FOXP1: variants seen among roughly 807,000 people sequenced by gnomAD.
The protein encoded by FOXP1 is forkhead box protein P1.
In FOXP1, 15 loss-of-function variants were observed where a neutral mutation model predicts 98.2. The observed-to-expected ratio is 0.15, with a 90% CI of 0.10 to 0.24. The LOEUF is 0.24. Ranked by LOEUF, FOXP1 falls within the 10% of genes least tolerant of loss-of-function variation. The probability of loss-of-function intolerance (pLI) is 1.00; values close to 1 mark genes in which losing one functional copy is unlikely to be tolerated. For missense variants in FOXP1, 633 were observed against 848.5 expected (o/e 0.75, Z 3.15); for synonymous variants, 371 against 314.5 (o/e 1.18, Z -1.90).
chr3:71,530,088 G>A (rs1223920023), intron 2 of FOXP1, among the ~76,000 whole-genome samples: 4 of 152,102 alleles, frequency 2.6e-5, no homozygotes, highest in South Asian at 4.1e-4. Flanking sequence ...TTGAATGACA[G>A]GACACCCAGC....
chr3:71,558,006 G>A (rs780390658), intron 2 of FOXP1, among the ~76,000 whole-genome samples: 16 of 152,046 alleles, frequency 1.1e-4, no homozygotes, highest in Non-Finnish European at 2.2e-4. Context: ...TAGTAGAGAC[G>A]GGGTTTCACT....
intron 3 of FOXP1, among the ~76,000 whole-genome samples, chr3:71,361,226 A>G (rs1387641819): frequency 1.3e-5 from 2 of 152,232 alleles, no homozygotes; most frequent in African/African-American, 2.4e-5. Flanking sequence ...ACTAAAAGAA[A>G]GATGACCATT....
At chr3:71,433,558 A>C (rs557473869) in intron 3 of FOXP1, among the ~76,000 whole-genome samples, 2 of 152,324 alleles carry the variant, frequency 1.3e-5, no homozygotes, top group African/African-American at 4.8e-5. Flanking sequence ...CAGATTGTGC[A>C]AGGGGGAAGG....
At chr3:71,571,781 A>G (rs560608532) in intron 2 of FOXP1, 27 of 152,348 alleles carry the variant, frequency 1.8e-4, no homozygotes, top group Admixed American at 2.0e-4. Context: ...TTAATGACAA[A>G]AAAACTGATA....
At chr3:71,543,298 A>AT (rs1251998530) in intron 2 of FOXP1, 1 of 152,152 alleles carries the variant, frequency 6.6e-6, no homozygotes, top group Non-Finnish European at 1.5e-5. Flanking sequence ...CTGAATAATA[A>AT]TTTGGTTATT....
intron 4 of FOXP1, among the ~76,000 whole-genome samples, chr3:71,300,659 T>C (rs995383411): frequency 2.0e-5 from 3 of 152,154 alleles, no homozygotes; most frequent in Non-Finnish European, 4.4e-5. Context: ...GGGATCAACA[T>C]ATGGCACGAG....
intron 3 of FOXP1, among the ~76,000 whole-genome samples, chr3:71,400,655 C>G (rs1376805305): frequency 6.6e-6 from 1 of 152,108 alleles, no homozygotes; most frequent in Non-Finnish European, 1.5e-5. Context: ...CCACGGCCAG[C>G]CAATTTATGT....
intron 20 of FOXP1, among the ~76,000 whole-genome samples, chr3:70,962,170 A>G (rs2033698533): frequency 6.6e-6 from 1 of 152,316 alleles, no homozygotes; most frequent in African/African-American, 2.4e-5. Context: ...AAATTTTCCT[A>G]GCTTTACAAT....
chr3:71,331,592 G>C (rs760441647), intron 4 of FOXP1, among the ~76,000 whole-genome samples: 1 of 152,238 alleles, frequency 6.6e-6, no homozygotes, highest in Admixed American at 6.5e-5. Flanking sequence ...GAATCTTCAC[G>C]TCTAGCTAAG....
chr3:71,130,637 G>A (rs747978334), intron 6 of FOXP1: 4 of 1,598,138 alleles, frequency 2.5e-6, no homozygotes, highest in Admixed American at 1.7e-5. Flanking sequence ...TAAACAGGAA[G>A]TACTGTGCGG....
At chr3:71,543,448 C>A (rs1219838281) in intron 2 of FOXP1, 5 of 152,462 alleles carry the variant, frequency 3.3e-5, no homozygotes. Context: ...AGTGGCGACT[C>A]CTGCTGCACA....
chr3:71,240,908 G>A (rs1334308453), intron 5 of FOXP1, among the ~76,000 whole-genome samples: 1 of 151,602 alleles, frequency 6.6e-6, no homozygotes, highest in Non-Finnish European at 1.5e-5. Flanking sequence ...TAACAGTCAA[G>A]CTAAATTAAA....
At chr3:71,539,753 T>C (rs1229278020) in intron 2 of FOXP1, among the ~76,000 whole-genome samples, 1 of 152,252 alleles carries the variant, frequency 6.6e-6, no homozygotes, top group Non-Finnish European at 1.5e-5. Context: ...GCTTGAAATC[T>C]TTTTTATTAG....
intron 5 of FOXP1, among the ~76,000 whole-genome samples, chr3:71,228,662 C>T (rs956661431): frequency 1.3e-5 from 2 of 152,080 alleles, no homozygotes; most frequent in African/African-American, 4.8e-5. Flanking sequence ...GTTGTCATTT[C>T]CTCTCACCGA....
chr3:71,064,517 T>A (rs1016892809), intron 7 of FOXP1, among the ~76,000 whole-genome samples: 2 of 150,462 alleles, frequency 1.3e-5, no homozygotes, highest in Admixed American at 6.6e-5. Context: ...ACCCCACCCA[T>A]GAACATTTAA....
At chr3:71,236,473 A>T (rs138856637) in intron 5 of FOXP1, among the ~76,000 whole-genome samples, 1 of 152,204 alleles carries the variant, frequency 6.6e-6, no homozygotes, top group Non-Finnish European at 1.5e-5. Flanking sequence ...GTCTACAGAG[A>T]TATCATGTAG....
intron 6 of FOXP1, among the ~76,000 whole-genome samples, chr3:71,121,919 C>T (rs530642354): frequency 1.3e-5 from 2 of 148,182 alleles, no homozygotes; most frequent in East Asian, 3.9e-4. Flanking sequence ...AATCAAAAGG[C>T]TCTATTAACT....
intron 1 of FOXP1, 81 bp from the exon 2 acceptor site, chr3:71,581,778 G>C (rs2107897046): frequency 1.0e-6 from 1 of 985,812 alleles, no homozygotes; most frequent in South Asian, 4.7e-5. Context: ...GACGGGACGG[G>C]TGAGTAGGCC....
At chr3:71,330,193 T>C (rs1577002591) in intron 4 of FOXP1, among the ~76,000 whole-genome samples, 1 of 152,256 alleles carries the variant, frequency 6.6e-6, no homozygotes, top group African/African-American at 2.4e-5. Context: ...CTGTGTGATA[T>C]GTACTTTAAC....
Sources: allele counts gnomAD v4.1 joint callset (sites outside exome capture counted in the v4.1 genomes callset), GRCh38; gene constraint gnomAD v4.1.1; transcripts MANE v1.5; gene names NCBI Gene and HGNC (gene_info 2026-07-23, HGNC 2026-07-21).